The following SEMA4F variants were observed in gnomAD, a reference collection of about 807,000 sequenced individuals.
SEMA4F encodes the protein ssemaphorin 4F.
In SEMA4F, 51 loss-of-function variants were observed where a neutral mutation model predicts 78.4. That is an observed-to-expected ratio of 0.65 (90% CI 0.52 to 0.82). The LOEUF (loss-of-function observed/expected upper bound fraction) is 0.82. Ranked by LOEUF, SEMA4F falls within the 40% of genes least tolerant of loss-of-function variation. The pLI, the probability that SEMA4F is intolerant of heterozygous loss-of-function variation, is 0.00. For missense variants in SEMA4F, 938 were observed against 1,014.4 expected, an observed-to-expected ratio of 0.92 and a Z score of 1.02; for synonymous variants, 418 against 408.7, an observed-to-expected ratio of 1.02 and a Z score of -0.27.
At chr2:74,698,843 C>T in the SEMA4F span, among the ~76,000 whole-genome samples, 5 of 152,204 alleles carry the variant, frequency 3.3e-5, no homozygotes, top group African/African-American at 1.2e-4. Flanking sequence ...GGGTCAGGGC[C>T]CCCAACAGCA....
intron 1 of SEMA4F, chr2:74,655,152 GT>G (rs1473349703): frequency 1.3e-5 from 3 of 231,286 alleles, no homozygotes; most frequent in Non-Finnish European, 2.9e-5. Context: ...TTGGATCCAC[GT>G]TAACTCTCTT....
At chr2:74,677,576 A>G (rs1685364713) in intron 12 of SEMA4F, among the ~76,000 whole-genome samples, 1 of 152,222 alleles carries the variant, frequency 6.6e-6, no homozygotes, top group Non-Finnish European at 1.5e-5. Context: ...TATTAATTGT[A>G]ATTGGTTGAT....
At chr2:74,690,112 T>G in the SEMA4F span, among the ~76,000 whole-genome samples, 1 of 152,164 alleles carries the variant, frequency 6.6e-6, no homozygotes, top group Non-Finnish European at 1.5e-5. Context: ...TAACACCCTC[T>G]TACTGAAACA....
chr2:74,679,575 T>G, intron 13 of SEMA4F, 24 bp from the exon 14 acceptor site: 1 of 1,577,516 alleles, frequency 6.3e-7, no homozygotes. Context: ...TCACCTCCTT[T>G]TGTGCCTTTG....
Position 74,654,541 on chromosome 2 carries a change from GC to G in SEMA4F, c.145+23del. 1 of 1,517,456 alleles carries G rather than the reference GC, an allele frequency of 6.6e-7. No individual in the cohort carries two copies. 94.0% of individuals were successfully genotyped at this position (1,517,456 alleles called of 1,614,324 possible). ...TCTCTGGTAAGGCGCGGACGCCCACGCCCTCAGCCCTTCGCGCCCACACCCA... is the reference window on the plus strand; with the variant it reads ...TCTCTGGTAAGGCGCGGACGCCCACGCCTCAGCCCTTCGCGCCCACACCCA... On this transcript the variant is annotated intron_variant, in intron 1 of 13. Coordinates refer to ENST00000357877, the MANE Select transcript of SEMA4F (RefSeq NM_004263.5).
chr2:74,664,872 C>T lies in SEMA4F; in HGVS notation c.550+2047C>T, dbSNP rs10194296. 8.0e-3 allele frequency among the ~76,000 whole-genome samples: 1,223 copies of T among 152,158 alleles called. 23 individuals are homozygous for T. The highest frequency in any genetic ancestry group is 0.027 in the African/African-American group (1,140 of 41,498). ...TTGTATATAATTTTTAAGCTCAATC[C>T]TTCACTTAAAGAGCAGATAACATTT... On this transcript the variant is annotated intron_variant, in intron 5 of 13. Coordinates refer to ENST00000357877, the MANE Select transcript of SEMA4F (RefSeq NM_004263.5).
the SEMA4F span, among the ~76,000 whole-genome samples, chr2:74,697,667 G>A: frequency 1.3e-5 from 2 of 152,196 alleles, no homozygotes; most frequent in Non-Finnish European, 2.9e-5. Context: ...GGAGTAGAGA[G>A]CAGCACATTG....
At chr2:74,695,544 A>G in the SEMA4F span, among the ~76,000 whole-genome samples, 1 of 152,242 alleles carries the variant, frequency 6.6e-6, no homozygotes, top group Non-Finnish European at 1.5e-5. Flanking sequence ...AAGTAAATCC[A>G]AATCAATGAA....
In SEMA4F at chr2:74,673,772, C is replaced by T. The variant is rs757587166; in HGVS notation, c.766C>T (p.Arg256Ter). 8.7e-6 allele frequency: 14 copies of T among 1,614,048 alleles called. No homozygotes were observed. Among genetic ancestry groups the T allele is most frequent in the Non-Finnish European group, 1.2e-5 (14 of 1,180,050 alleles). ...EIYFFFTETS[R>*]AFDSYERIKV... ...CTACTTCTTCTTTACGGAGACTTCC[C>T]GAGCATTTGACTCATACGAGCGCAT... is the stretch of plus-strand genomic sequence containing the variant. The change falls in exon 7 of 14, where the codon CGA becomes TGA. Residue 256 changes from arginine (R) to a stop codon, truncating the protein, a stop_gained. Transcript: ENST00000357877. LOFTEE classifies it high-confidence loss of function.
At chr2:74,665,321 C>T (rs937694323) in intron 5 of SEMA4F, among the ~76,000 whole-genome samples, 7 of 151,018 alleles carry the variant, frequency 4.6e-5, no homozygotes, top group African/African-American at 1.7e-4. Flanking sequence ...ACTGCACCTC[C>T]TGGGTTCACA....
the SEMA4F span, among the ~76,000 whole-genome samples, chr2:74,699,456 T>C: frequency 7.2e-5 from 11 of 152,308 alleles, no homozygotes; most frequent in African/African-American, 2.6e-4. Flanking sequence ...CATGCTGAGT[T>C]TGCAATGCCT....
At chr2:74,701,995 G>A in the SEMA4F span, among the ~76,000 whole-genome samples, 1 of 152,158 alleles carries the variant, frequency 6.6e-6, no homozygotes, top group Non-Finnish European at 1.5e-5. Flanking sequence ...GAAGGGCATT[G>A]TGGTAAACTT....
chr2:74,656,090 C>T (rs1684120287), intron 1 of SEMA4F, among the ~76,000 whole-genome samples: 1 of 151,628 alleles, frequency 6.6e-6, no homozygotes, highest in African/African-American at 2.4e-5. Flanking sequence ...CTCACTGCAA[C>T]CTCTGCCTCC....
rs114789595 is a variant in SEMA4F, at chr2:74,657,422, C to A, written c.298-143C>A. On this transcript the variant is annotated intron_variant, in intron 2 of 13. Transcript: ENST00000357877. Reference sequence around the variant, plus strand: ...TTTATTACTCATTAATGGGTGGGGACCTCCATTTGAAAAACAATGCTCTAG... The same window carrying A: ...TTTATTACTCATTAATGGGTGGGGAACTCCATTTGAAAAACAATGCTCTAG... 1,007 of 641,002 alleles carry A rather than the reference C, an allele frequency of 1.6e-3. 5 individuals are homozygous for A. The African/African-American group carries it at 0.016, about 10-fold the overall frequency. 39.7% of individuals were successfully genotyped at this position (641,002 alleles called of 1,614,324 possible).
intron 12 of SEMA4F, among the ~76,000 whole-genome samples, chr2:74,677,021 C>G (rs1685328143): frequency 1.3e-5 from 2 of 152,144 alleles, no homozygotes. Context: ...CCTGCCTCAG[C>G]CTCCCGAATA....
chr2:74,690,222 A>G, the SEMA4F span, among the ~76,000 whole-genome samples: 1 of 152,336 alleles, frequency 6.6e-6, no homozygotes, highest in African/African-American at 2.4e-5. Context: ...TTGGCTGGAC[A>G]GCAATGACAA....
At chr2:74,699,280 C>T in the SEMA4F span, among the ~76,000 whole-genome samples, 1 of 152,184 alleles carries the variant, frequency 6.6e-6, no homozygotes, top group African/African-American at 2.4e-5. Flanking sequence ...CTCATGTCAC[C>T]CCTTGGGGTA....
downstream of SEMA4F, among the ~76,000 whole-genome samples, chr2:74,686,198 C>G (rs1685819380): frequency 6.6e-6 from 1 of 151,772 alleles, no homozygotes; most frequent in Admixed American, 6.6e-5. Context: ...CTTCCGGGTT[C>G]ACACCATTCT....
chr2:74,696,226 C>T, the SEMA4F span, among the ~76,000 whole-genome samples: 1 of 132,530 alleles, frequency 7.5e-6, no homozygotes, highest in African/African-American at 2.9e-5. Context: ...GACGGAGTCT[C>T]ACTCTTTCGC....
Sources: allele counts gnomAD v4.1 joint callset (sites outside exome capture counted in the v4.1 genomes callset), GRCh38; gene constraint gnomAD v4.1.1; transcripts MANE v1.5; gene names NCBI Gene and HGNC (gene_info 2026-07-23, HGNC 2026-07-21).